Variants in ADCY9 observed in about 807,000 individuals in gnomAD.
ADCY9 encodes adenylate cyclase type 9.
Under a neutral mutation model 101.5 loss-of-function variants are expected in ADCY9, and 50 were observed. That is an observed-to-expected ratio of 0.49 (90% CI 0.39 to 0.62). The LOEUF (loss-of-function observed/expected upper bound fraction) is 0.62. ADCY9 is among the 20% of genes least tolerant of loss of function. The probability of loss-of-function intolerance (pLI) is 0.00; values close to 1 mark genes in which losing one functional copy is unlikely to be tolerated. For missense variants in ADCY9, 1,662 were observed against 1,800.4 expected, an observed-to-expected ratio of 0.92 and a Z score of 1.39; for synonymous variants, 905 against 769.3, an observed-to-expected ratio of 1.18 and a Z score of -2.92.
chr16:4,029,718 C>T (rs2056542042), intron 2 of ADCY9, among the ~76,000 whole-genome samples: 2 of 152,166 alleles, frequency 1.3e-5, no homozygotes, highest in South Asian at 4.2e-4. Context: ...GCACTCCAGC[C>T]TGGGCGACAG....
chr16:4,014,409 T>C (rs2056424142), intron 2 of ADCY9, among the ~76,000 whole-genome samples: 1 of 152,080 alleles, frequency 6.6e-6, no homozygotes, highest in Non-Finnish European at 1.5e-5. Context: ...GGTAGGCACC[T>C]TGCCTGTTTA....
At chr16:4,073,553 A>G (rs2056848243) in intron 2 of ADCY9, among the ~76,000 whole-genome samples, 1 of 151,844 alleles carries the variant, frequency 6.6e-6, no homozygotes. Context: ...TCACCACCAT[A>G]TCCAGCTAAT....
intron 2 of ADCY9, among the ~76,000 whole-genome samples, chr16:4,097,971 G>C (rs1437283821): frequency 6.6e-6 from 1 of 152,084 alleles, no homozygotes; most frequent in Non-Finnish European, 1.5e-5. Flanking sequence ...CTGCTCTTAA[G>C]ATGCATTCCA....
chr16:4,027,362 G>C (rs1157060679), intron 2 of ADCY9, among the ~76,000 whole-genome samples: 2 of 152,172 alleles, frequency 1.3e-5, no homozygotes, highest in African/African-American at 4.8e-5. Context: ...CCCTCCACTG[G>C]TAACACCCAT....
At chr16:4,082,194 A>G (rs1326771773) in intron 2 of ADCY9, among the ~76,000 whole-genome samples, 2 of 151,936 alleles carry the variant, frequency 1.3e-5, no homozygotes, top group African/African-American at 2.4e-5. Flanking sequence ...TCGGCAACAT[A>G]GCGAGACCCT....
rs374442827 is a variant in ADCY9 at position 3,998,749 on chromosome 16, G to A, written c.1885-5239C>T. Among the ~76,000 whole-genome samples the A allele has an allele frequency of 9.7e-4, 87 of 89,734 alleles. 11 individuals carry two copies. Among genetic ancestry groups the A allele is most frequent in the African/African-American group, 1.4e-3 (30 of 20,896 alleles). 58.9% of individuals were successfully genotyped at this position (89,734 alleles called of 152,430 possible). A position where few individuals can be genotyped will look rare whatever the true frequency, so the allele number is the denominator to read the frequency against. On this transcript the variant is annotated intron_variant, in intron 3 of 10. Transcript: ENST00000294016. ...AAAAAAAAAAAAGAAAAGAAAGAAAGAAAGAAAAGAAAAGAAAAGAAAAGA... is the reference window on the plus strand; with the variant it reads ...AAAAAAAAAAAAGAAAAGAAAGAAAAAAAGAAAAGAAAAGAAAAGAAAAGA...
intron 3 of ADCY9, among the ~76,000 whole-genome samples, chr16:4,006,150 G>C (rs991219720): frequency 6.6e-6 from 1 of 152,194 alleles, no homozygotes. Flanking sequence ...GGCCATGTCT[G>C]GAGACATTTT....
intron 2 of ADCY9, among the ~76,000 whole-genome samples, chr16:4,040,137 C>T (rs2056617017): frequency 6.6e-6 from 1 of 152,156 alleles, no homozygotes; most frequent in Admixed American, 6.6e-5. Context: ...TTCATCTAGG[C>T]TAAAATTTTG....
At chr16:3,968,495 ACT>A (rs767809889) in intron 10 of ADCY9, among the ~76,000 whole-genome samples, 11 of 152,040 alleles carry the variant, frequency 7.2e-5, no homozygotes, top group Non-Finnish European at 1.6e-4. Flanking sequence ...TGAGTTCTAT[ACT>A]CTCTACCTGT....
At position 3,983,343 on chromosome 16, in the gene ADCY9, G is replaced by A; in HGVS notation, c.2408C>T (p.Thr803Ile). Reference protein sequence around the residue: ...LSTTVFLTLSTTCFLKYEAAT... With the variant: ...LSTTVFLTLSITCFLKYEAAT... ...CGCCTCGTACTTCAGGAAGCAGGTG[G>A]TGGACAGCGTCAGAAACACTGTGGT... Residue 803 changes from threonine to isoleucine, a missense_variant, in exon 7 of 11, where the codon ACC (threonine) becomes ATC (isoleucine). Around this residue, in one of 5 missense-constraint regions of ADCY9, gnomAD observed 624 missense variants for 639.1 expected, o/e 0.98. Transcript: ENST00000294016. The A allele has an allele frequency of 6.9e-6, 11 of 1,595,472 alleles. No individual in the cohort carries two copies. Among genetic ancestry groups the A allele is most frequent in the Non-Finnish European group, 9.4e-6 (11 of 1,170,946 alleles).
chr16:4,013,691 G>C (rs1392797309), intron 2 of ADCY9, among the ~76,000 whole-genome samples: 1 of 152,206 alleles, frequency 6.6e-6, no homozygotes, highest in Admixed American at 6.5e-5. Flanking sequence ...AGCGGCATGA[G>C]AGTTATTTAA....
chr16:4,045,905 T>C (rs970674240), intron 2 of ADCY9, among the ~76,000 whole-genome samples: 2 of 136,940 alleles, frequency 1.5e-5, no homozygotes, highest in Admixed American at 1.7e-4. Context: ...AGATGAGGTT[T>C]CATCATGTTG....
At chr16:4,052,398 C>G (rs896670145) in intron 2 of ADCY9, among the ~76,000 whole-genome samples, 5 of 152,116 alleles carry the variant, frequency 3.3e-5, no homozygotes, top group African/African-American at 4.8e-5. Flanking sequence ...GAAACCCACA[C>G]AGGAGAATCT....
downstream of ADCY9, among the ~76,000 whole-genome samples, chr16:3,959,763 T>C (rs2540028): frequency 0.41 from 63,139 of 152,142 alleles, 16,286 homozygotes; most frequent in Non-Finnish European, 0.58. Context: ...CAGTGGCTCA[T>C]GGCTGTAATC....
Position 4,115,017 on chromosome 16 carries a change from C to T in ADCY9, c.426G>A (p.Leu142=). ...IYFAVHMRSR[L]IVMVAPALCF... is the part of the protein sequence containing the mutation. ...ACAGCGCGGGGGCGACCATGACGAT[C>T]AGTCTGGATCTCATGTGGACCGCAA... The change falls in exon 2 of 11, where the codon CTG becomes CTA. Residue 142 remains leucine (L), a synonymous_variant. Coordinates refer to ENST00000294016, the MANE Select transcript of ADCY9 (RefSeq NM_001116.4). The surrounding 1 kb of genome is among the most constrained non-coding windows in gnomAD (Gnocchi z 6.2). 1 of 1,614,136 alleles carries T rather than the reference C, an allele frequency of 6.2e-7. No individual in the cohort carries two copies. The highest frequency in any genetic ancestry group is 8.5e-7 in the Non-Finnish European group (1 of 1,180,044).
At chr16:4,046,225 G>GCACAGTGCCCAGCACTGAACCACGGCA (rs1260664622) in intron 2 of ADCY9, among the ~76,000 whole-genome samples, 3 of 152,208 alleles carry the variant, frequency 2.0e-5, no homozygotes, top group Admixed American at 2.0e-4. Flanking sequence ...GAAGCAATCA[G>GCACAGTGCCCAGCACTGAACCACGGCA]CACAGTGCCC....
intron 10 of ADCY9, among the ~76,000 whole-genome samples, chr16:3,969,143 G>A (rs973340810): frequency 2.6e-5 from 4 of 151,820 alleles, no homozygotes; most frequent in African/African-American, 9.7e-5. Flanking sequence ...TTTGATAACT[G>A]AGCCTGCTTT....
chr16:3,993,806 G>A (rs1022919267), intron 3 of ADCY9, among the ~76,000 whole-genome samples: 3 of 152,284 alleles, frequency 2.0e-5, no homozygotes, highest in South Asian at 4.1e-4. Flanking sequence ...ACTCAGCCAC[G>A]AAAAAGACGG....
chr16:4,055,703 G>A (rs1357720327), intron 2 of ADCY9, among the ~76,000 whole-genome samples: 1 of 151,762 alleles, frequency 6.6e-6, no homozygotes, highest in Non-Finnish European at 1.5e-5. Context: ...GCGTGGCGCC[G>A]GGCGCCTGTA....
Sources: gnomAD v4.1 joint callset for allele counts (sites outside exome capture counted in the v4.1 genomes callset) on GRCh38, gnomAD v4.1.1 for gene constraint, gnomAD v4.1.1 regional missense constraint, Gnocchi (gnomAD v3.1) non-coding constraint, MANE v1.5 for transcripts, NCBI Gene and HGNC (gene_info 2026-07-23, HGNC 2026-07-21) for gene names.